LRRTM3: variants seen among roughly 807,000 people sequenced by gnomAD.
LRRTM3 encodes leucine-rich repeat transmembrane neuronal protein 3.
LRRTM3 carries 24 observed loss-of-function variants against 44.7 expected under a neutral mutation model. The ratio of observed to expected loss-of-function variants is 0.54; its 90% CI spans 0.39 to 0.76. LRRTM3 has a LOEUF of 0.76. Ranked by LOEUF, LRRTM3 falls within the 30% of genes least tolerant of loss-of-function variation. The pLI, the probability that LRRTM3 is intolerant of heterozygous loss-of-function variation, is 0.00. For synonymous variants in LRRTM3, 277 were observed against 278.7 expected, an observed-to-expected ratio of 0.99 and a Z score of 0.06; for missense variants, 587 against 702.2, an observed-to-expected ratio of 0.84 and a Z score of 1.85.
chr10:66,928,341 C>G lies in LRRTM3; in HGVS notation c.1425C>G (p.Ser475Arg). The change falls in exon 2 of 3, where the codon AGC becomes AGG. Residue 475 changes from serine to arginine, a missense_variant. Physicochemically the swap from Ser to Arg is moderately radical, Grantham distance 110. Transcript: ENST00000361320. ...KRQSLKQMTP[S>R]TQEFYVDYKP... is the part of the protein sequence containing the mutation. ...AGTCCCTAAAGCAAATGACTCCCAG[C>G]ACCCAGGAATTTTATGTAGATTATA... The G allele has an allele frequency of 1.9e-6, 3 of 1,614,152 alleles. No individual in the cohort carries two copies. The highest frequency in any genetic ancestry group is 2.5e-6 in the Non-Finnish European group (3 of 1,180,040).
At chr10:67,030,795 G>A (rs1853672047) in intron 2 of LRRTM3, among the ~76,000 whole-genome samples, 1 of 152,166 alleles carries the variant, frequency 6.6e-6, no homozygotes, top group Non-Finnish European at 1.5e-5. Flanking sequence ...CACGAGGTCA[G>A]GAGTTTGAGA....
Position 67,098,869 on chromosome 10 carries a change from G to T in LRRTM3, c.*1073G>T, listed in dbSNP as rs1445412282. ...CATCAGTCAGTGCAAAATGTGCCTG[G>T]TTCTTAAGACAACTTTTTATTTAGA... On this transcript the variant is annotated 3_prime_UTR_variant, in exon 3 of 3. Coordinates refer to ENST00000361320, the MANE Select transcript of LRRTM3 (RefSeq NM_178011.5). 6.6e-6 allele frequency: 1 copy of T among 151,828 alleles called. No homozygotes were observed. The highest frequency in any genetic ancestry group is 1.5e-5 in the Non-Finnish European group (1 of 67,848). The allele number at this position is 151,828 out of a possible 1,614,324, so 9.4% of individuals were successfully genotyped here.
At chr10:67,093,310 G>T (rs1183678055) in intron 2 of LRRTM3, among the ~76,000 whole-genome samples, 2 of 151,868 alleles carry the variant, frequency 1.3e-5, no homozygotes, top group Non-Finnish European at 2.9e-5. Context: ...TAATGTATTT[G>T]GGTAACCTTC....
At chr10:67,053,725 GT>G (rs776328806) in intron 2 of LRRTM3, among the ~76,000 whole-genome samples, 43 of 152,272 alleles carry the variant, frequency 2.8e-4, no homozygotes, top group Non-Finnish European at 5.6e-4. Context: ...ATAAATGGTG[GT>G]AAGCAATGGA....
At chr10:66,945,597 C>T (rs954307041) in intron 2 of LRRTM3, among the ~76,000 whole-genome samples, 2 of 152,264 alleles carry the variant, frequency 1.3e-5, no homozygotes, top group South Asian at 2.1e-4. Context: ...TAGCACTTTT[C>T]ATTTTCTTCA....
At chr10:66,929,980 T>C (rs1847284239) in intron 2 of LRRTM3, among the ~76,000 whole-genome samples, 2 of 152,138 alleles carry the variant, frequency 1.3e-5, no homozygotes, top group Admixed American at 6.5e-5. Flanking sequence ...AACCCCTACA[T>C]CTTTAACCAT....
At chr10:66,963,972 G>A (rs1005420304) in intron 2 of LRRTM3, among the ~76,000 whole-genome samples, 6 of 151,622 alleles carry the variant, frequency 4.0e-5, no homozygotes, top group South Asian at 2.1e-4. Context: ...TCAGCCTCCC[G>A]AGTGGCTGGG....
chr10:67,015,888 T>C (rs1489336218), intron 2 of LRRTM3, among the ~76,000 whole-genome samples: 7 of 152,156 alleles, frequency 4.6e-5, no homozygotes, highest in Non-Finnish European at 1.0e-4. Context: ...CTAGTATCTA[T>C]GCTTGTGACT....
Position 67,097,685 on chromosome 10 carries a change from T to C in LRRTM3, c.1635T>C (p.Phe545=). The change falls in exon 3 of 3, where the codon TTT becomes TTC. Residue 545 remains phenylalanine, a synonymous_variant. Coordinates refer to ENST00000361320, the MANE Select transcript of LRRTM3 (RefSeq NM_178011.5). ...ATGAACTTCTCTCCCATAAGTCCTT[T>C]GAAACGAATGCACAGGAAGATACGA... is the stretch of plus-strand genomic sequence containing the variant. ...VHHELLSHKS[F]ETNAQEDTME... The C allele has an allele frequency of 1.2e-6, 2 of 1,612,782 alleles. No individual in the cohort carries two copies. The highest frequency in any genetic ancestry group is 1.7e-6 in the Non-Finnish European group (2 of 1,179,094).
At chr10:66,999,010 A>T (rs761966333) in intron 2 of LRRTM3, among the ~76,000 whole-genome samples, 4 of 152,174 alleles carry the variant, frequency 2.6e-5, no homozygotes, top group Non-Finnish European at 4.4e-5. Flanking sequence ...CATATAAGAC[A>T]ATTAAATTAG....
At chr10:66,985,607 G>T (rs1850682546) in intron 2 of LRRTM3, among the ~76,000 whole-genome samples, 1 of 152,160 alleles carries the variant, frequency 6.6e-6, no homozygotes, top group Admixed American at 6.5e-5. Context: ...TGGTCTTCTG[G>T]AGTGGAAAGC....
intron 2 of LRRTM3, among the ~76,000 whole-genome samples, chr10:67,017,470 C>T (rs1010153321): frequency 1.3e-5 from 2 of 152,190 alleles, no homozygotes; most frequent in Non-Finnish European, 2.9e-5. Flanking sequence ...TAGTCCTCCA[C>T]ATACCATGCT....
intron 2 of LRRTM3, among the ~76,000 whole-genome samples, chr10:67,096,570 G>A (rs575272011): frequency 6.6e-6 from 1 of 151,922 alleles, no homozygotes; most frequent in Non-Finnish European, 1.5e-5. Flanking sequence ...ACCAAGATCA[G>A]GACTGAAGGT....
chr10:66,995,028 A>G (rs976370154), intron 2 of LRRTM3, among the ~76,000 whole-genome samples: 1 of 152,140 alleles, frequency 6.6e-6, no homozygotes, highest in African/African-American at 2.4e-5. Context: ...TCTCATTCCA[A>G]GTATATGCTA....
intron 2 of LRRTM3, among the ~76,000 whole-genome samples, chr10:66,988,197 C>T (rs1192229520): frequency 6.6e-6 from 1 of 152,088 alleles, no homozygotes; most frequent in East Asian, 1.9e-4. Context: ...TCTTCAAACT[C>T]AAGTATCTTC....
At chr10:67,092,708 A>G (rs1857727976) in intron 2 of LRRTM3, among the ~76,000 whole-genome samples, 1 of 151,998 alleles carries the variant, frequency 6.6e-6, no homozygotes, top group South Asian at 2.1e-4. Flanking sequence ...GACCATTAGT[A>G]ATTAGTTATT....
intron 2 of LRRTM3, among the ~76,000 whole-genome samples, chr10:67,011,270 G>C (rs182485363): frequency 2.0e-5 from 3 of 151,124 alleles, no homozygotes; most frequent in African/African-American, 7.3e-5. Flanking sequence ...GAACCCAGCA[G>C]ACGGAGGTTG....
chr10:66,950,593 T>C (rs1848490753), intron 2 of LRRTM3, among the ~76,000 whole-genome samples: 1 of 152,096 alleles, frequency 6.6e-6, no homozygotes, highest in Non-Finnish European at 1.5e-5. Flanking sequence ...ATATTTTATA[T>C]ATTTTTAATA....
intron 2 of LRRTM3, among the ~76,000 whole-genome samples, chr10:66,934,283 G>T (rs914676439): frequency 6.6e-6 from 1 of 151,486 alleles, no homozygotes; most frequent in Admixed American, 6.6e-5. Flanking sequence ...TTATTTTTAA[G>T]GGCTCTCACT....
Sources: allele counts gnomAD v4.1 joint callset (sites outside exome capture counted in the v4.1 genomes callset), GRCh38; gene constraint gnomAD v4.1.1; transcripts MANE v1.5; gene names NCBI Gene and HGNC (gene_info 2026-07-23, HGNC 2026-07-21).